The following CNTNAP2 variants were observed in gnomAD, a reference collection of about 807,000 sequenced individuals.
CNTNAP2 encodes the protein contactin-associated protein-like 2.
CNTNAP2 carries 98 observed loss-of-function variants against 155.2 expected under a neutral mutation model. The ratio of observed to expected loss-of-function variants is 0.63; its 90% CI spans 0.54 to 0.75. The LOEUF is 0.75. Ranked by LOEUF, CNTNAP2 falls within the 30% of genes least tolerant of loss-of-function variation. The pLI is 0.00. For synonymous variants in CNTNAP2, 651 were observed against 631.2 expected (o/e 1.03, Z -0.47); for missense variants, 1,727 against 1,688.1 (o/e 1.02, Z -0.40).
chr7:148,227,884 C>CGTGT (rs3057282), intron 19 of CNTNAP2, among the ~76,000 whole-genome samples: 9,618 of 131,362 alleles, frequency 0.073, 391 homozygotes, highest in South Asian at 0.1. Context: ...AAGAGCACAG[C>CGTGT]GTGTGTGTGT....
intron 1 of CNTNAP2, among the ~76,000 whole-genome samples, chr7:146,690,215 C>A (rs755075858): frequency 6.6e-6 from 1 of 152,056 alleles, no homozygotes; most frequent in Non-Finnish European, 1.5e-5. Context: ...GCGTACTAAC[C>A]ATAATTGCAT....
chr7:148,005,074 C>T (rs1274580878), intron 15 of CNTNAP2, among the ~76,000 whole-genome samples: 1 of 152,154 alleles, frequency 6.6e-6, no homozygotes, highest in Non-Finnish European at 1.5e-5. Context: ...TATTGGGATG[C>T]TCTAACATAC....
chr7:146,293,411 T>A (rs1010837347), intron 1 of CNTNAP2, among the ~76,000 whole-genome samples: 1 of 152,188 alleles, frequency 6.6e-6, no homozygotes, highest in Non-Finnish European at 1.5e-5. Context: ...TTTGACCTAG[T>A]CTTCTATGAT....
At chr7:146,982,495 T>C (rs539129294) in intron 3 of CNTNAP2, among the ~76,000 whole-genome samples, 54 of 152,298 alleles carry the variant, frequency 3.5e-4, no homozygotes, top group African/African-American at 1.1e-3. Context: ...TTTGAAAGTC[T>C]TGATGCTCAA....
At chr7:147,127,236 T>G (rs1414729603) in intron 6 of CNTNAP2, among the ~76,000 whole-genome samples, 1 of 152,176 alleles carries the variant, frequency 6.6e-6, no homozygotes, top group Admixed American at 6.6e-5. Context: ...GATTACTATT[T>G]CTTCTTTGTA....
At chr7:146,276,897 G>A (rs914222201) in intron 1 of CNTNAP2, among the ~76,000 whole-genome samples, 1 of 152,210 alleles carries the variant, frequency 6.6e-6, no homozygotes, top group African/African-American at 2.4e-5. Context: ...AGATACTGTA[G>A]TGGTTTGAAT....
At chr7:146,554,126 G>C (rs939001900) in intron 1 of CNTNAP2, among the ~76,000 whole-genome samples, 2 of 152,016 alleles carry the variant, frequency 1.3e-5, no homozygotes, top group Admixed American at 6.6e-5. Context: ...TGAATCTAAG[G>C]CCAAAAAGTA....
At chr7:147,067,943 G>A (rs940495647) in intron 4 of CNTNAP2, among the ~76,000 whole-genome samples, 23 of 152,200 alleles carry the variant, frequency 1.5e-4, no homozygotes, top group Non-Finnish European at 4.4e-5. Context: ...TGTGGACCAG[G>A]TGTCTGGGCA....
intron 8 of CNTNAP2, among the ~76,000 whole-genome samples, chr7:147,164,326 T>C (rs989635300): frequency 6.6e-6 from 1 of 152,194 alleles, no homozygotes; most frequent in African/African-American, 2.4e-5. Context: ...TCCAGGTAAA[T>C]GGTGACTTGT....
At position 148,270,472 on chromosome 7, in the gene CNTNAP2, G is replaced by T. The variant is rs1021704654; in HGVS notation, c.3475+3346G>T. The stretch of plus-strand genomic sequence containing the variant: ...TGGGTCCTTGGTGCACTGACTTCTA[G>T]TGGAGATTATCTCTCATCCCTACAA... On this transcript the variant is annotated intron_variant, in intron 21 of 23. Transcript: ENST00000361727. Among the ~76,000 whole-genome samples, 18 of 152,278 alleles carry T rather than the reference G, an allele frequency of 1.2e-4. 1 individual carries two copies. The highest frequency in any genetic ancestry group is 8.5e-4 in the Admixed American group (13 of 15,298).
At chr7:146,290,229 A>AT (rs1327869255) in intron 1 of CNTNAP2, among the ~76,000 whole-genome samples, 1 of 152,042 alleles carries the variant, frequency 6.6e-6, no homozygotes, top group Non-Finnish European at 1.5e-5. Flanking sequence ...GGCCTGGGTA[A>AT]TTTTTTATGG....
At chr7:146,420,825 A>G (rs997103377) in intron 1 of CNTNAP2, among the ~76,000 whole-genome samples, 3 of 152,094 alleles carry the variant, frequency 2.0e-5, no homozygotes, top group African/African-American at 7.2e-5. Flanking sequence ...TTGTTTCATT[A>G]TTGATCAAGT....
chr7:147,106,378 A>G (rs907326612), intron 4 of CNTNAP2, among the ~76,000 whole-genome samples: 9 of 152,104 alleles, frequency 5.9e-5, no homozygotes, highest in African/African-American at 2.2e-4. Context: ...CAGCTGTGAC[A>G]GTATATAGGA....
chr7:146,679,501 G>T (rs936183220), intron 1 of CNTNAP2, among the ~76,000 whole-genome samples: 1 of 151,576 alleles, frequency 6.6e-6, no homozygotes, highest in African/African-American at 2.4e-5. Flanking sequence ...GATTACAGGC[G>T]CCCGCCAACA....
intron 23 of CNTNAP2, chr7:148,414,859 G>GT (rs1367430790): frequency 6.1e-5 from 10 of 163,306 alleles, no homozygotes; most frequent in Admixed American, 2.8e-4. Context: ...GTGAGCTCTG[G>GT]TTTTTTGCCT....
chr7:147,531,138 G>C (rs1158491340), intron 11 of CNTNAP2, among the ~76,000 whole-genome samples: 10 of 152,150 alleles, frequency 6.6e-5, no homozygotes, highest in Non-Finnish European at 7.3e-5. Context: ...ACAGGGTACA[G>C]CCTCCTTCCC....
chr7:147,977,913 AGTG>A lies in CNTNAP2; in HGVS notation c.2313_2315del (p.Val772del). The A allele has an allele frequency of 6.2e-7, 1 of 1,614,102 alleles. No individual in the cohort carries two copies. The highest frequency in any genetic ancestry group is 8.5e-7 in the Non-Finnish European group (1 of 1,179,996). On this transcript the variant is annotated inframe_deletion, in exon 15 of 24. Transcript: ENST00000361727. ...ACAAAGATCACCTGCCAGTGAGCCA[AGTG>A]GTGGTTGGAGATACTGACCGTCAAG...
chr7:147,138,911 G>A (rs944185221), intron 8 of CNTNAP2, among the ~76,000 whole-genome samples: 4 of 151,814 alleles, frequency 2.6e-5, no homozygotes, highest in African/African-American at 9.7e-5. Context: ...GAGGCAAAAG[G>A]TGCCAATGAG....
At chr7:146,398,503 G>A (rs1795667223) in intron 1 of CNTNAP2, among the ~76,000 whole-genome samples, 1 of 151,994 alleles carries the variant, frequency 6.6e-6, no homozygotes, top group African/African-American at 2.4e-5. Context: ...GAGATTATGG[G>A]TACTACAATT....
Sources: allele counts gnomAD v4.1 joint callset (sites outside exome capture counted in the v4.1 genomes callset), GRCh38; gene constraint gnomAD v4.1.1; transcripts MANE v1.5; gene names NCBI Gene and HGNC (gene_info 2026-07-23, HGNC 2026-07-21).